GNA14: variants seen among roughly 807,000 people sequenced by gnomAD.
The protein encoded by GNA14 is guanine nucleotide-binding protein subunit alpha-14.
A neutral mutation model predicts 42.0 loss-of-function variants in GNA14; 50 were observed. The observed-to-expected ratio is 1.19, with a 90% confidence interval of 0.95 to 1.51. The LOEUF is 1.51. Among genes scored for constraint, GNA14 ranks in the 40% most tolerant of loss-of-function variants. The pLI, the probability that GNA14 is intolerant of heterozygous loss-of-function variation, is 0.00. For synonymous variants in GNA14, 173 were observed against 163.1 expected, an observed-to-expected ratio of 1.06 and a Z score of -0.46; for missense variants, 473 against 446.2, an observed-to-expected ratio of 1.06 and a Z score of -0.54.
chr9:77,445,599 C>T (rs573391844), intron 2 of GNA14, among the ~76,000 whole-genome samples: 2 of 151,180 alleles, frequency 1.3e-5, no homozygotes, highest in African/African-American at 2.4e-5. Flanking sequence ...AAATATTTGC[C>T]AGGCATGGTG....
At chr9:77,453,346 C>G (rs536660536) in intron 2 of GNA14, among the ~76,000 whole-genome samples, 1 of 152,120 alleles carries the variant, frequency 6.6e-6, no homozygotes, top group East Asian at 1.9e-4. Flanking sequence ...AATTACCCAG[C>G]CTAAGGTATT....
intron 1 of GNA14, among the ~76,000 whole-genome samples, chr9:77,643,690 G>T (rs1311687765): frequency 6.6e-6 from 1 of 152,152 alleles, no homozygotes; most frequent in East Asian, 1.9e-4. Context: ...CAACTTTTTG[G>T]TGTAAGCAGG....
At chr9:77,645,750 C>T (rs982874624) in intron 1 of GNA14, among the ~76,000 whole-genome samples, 7 of 152,314 alleles carry the variant, frequency 4.6e-5, no homozygotes, top group African/African-American at 1.7e-4. Context: ...CAGTACAGCT[C>T]AGCTGACTAC....
At chr9:77,558,631 T>C (rs1822828018) in intron 1 of GNA14, among the ~76,000 whole-genome samples, 1 of 152,074 alleles carries the variant, frequency 6.6e-6, no homozygotes, top group Admixed American at 6.6e-5. Context: ...TAGGGAATGG[T>C]AGAAACCAGA....
In GNA14 at chr9:77,444,011, T is replaced by A. The variant is rs539528750; in HGVS notation, c.310-9489A>T. ...AAAAACAAACTTCAGTGTGTTTCAC[T>A]AAAAAGGCTCTTTCCAAAGGCTCCT... On this transcript the variant is annotated intron_variant, in intron 2 of 6. Transcript: ENST00000341700. 1.3e-3 allele frequency among the ~76,000 whole-genome samples: 203 copies of A among 152,178 alleles called. 1 individual carries two copies. The highest frequency in any genetic ancestry group is 4.7e-3 in the African/African-American group (194 of 41,514).
chr9:77,569,189 T>A (rs1823021956), intron 1 of GNA14, among the ~76,000 whole-genome samples: 1 of 151,698 alleles, frequency 6.6e-6, no homozygotes, highest in Non-Finnish European at 1.5e-5. Flanking sequence ...AAAAAAAGGT[T>A]CCCTCCCCGC....
intron 2 of GNA14, among the ~76,000 whole-genome samples, chr9:77,436,123 G>A (rs187790278): frequency 6.6e-6 from 1 of 152,194 alleles, no homozygotes; most frequent in Non-Finnish European, 1.5e-5. Context: ...CAAGGACTGT[G>A]AATGAATCGA....
chr9:77,487,460 C>T (rs7034010), intron 2 of GNA14, among the ~76,000 whole-genome samples: 3,824 of 151,840 alleles, frequency 0.025, 161 homozygotes, highest in African/African-American at 0.086. Context: ...ATCTCCTCTT[C>T]CTTATCTATA....
chr9:77,440,856 C>T (rs1007189014), intron 2 of GNA14, among the ~76,000 whole-genome samples: 2 of 152,038 alleles, frequency 1.3e-5, no homozygotes, highest in Non-Finnish European at 1.5e-5. Context: ...GCTGGGATTA[C>T]AGGTGCCCAC....
chr9:77,522,000 T>C (rs897165399), intron 2 of GNA14, among the ~76,000 whole-genome samples: 13 of 152,092 alleles, frequency 8.5e-5, no homozygotes, highest in African/African-American at 3.1e-4. Context: ...GCCCGGCTAA[T>C]TTTTATATAT....
At chr9:77,614,380 T>A (rs931437487) in intron 1 of GNA14, among the ~76,000 whole-genome samples, 11 of 152,194 alleles carry the variant, frequency 7.2e-5, no homozygotes. Context: ...CCACCCTGGA[T>A]CCTCAAGTTT....
At chr9:77,515,983 A>AAAAAAAAAAAAAAAAAAAAAAAC (rs1276481734) in intron 2 of GNA14, among the ~76,000 whole-genome samples, 3 of 145,454 alleles carry the variant, frequency 2.1e-5, no homozygotes, top group Non-Finnish European at 4.5e-5. Context: ...AAAAAAAAAA[A>AAAAAAAAAAAAAAAAAAAAAAAC]CCCAGAGCAG....
chr9:77,515,608 T>C (rs1290798174), intron 2 of GNA14, among the ~76,000 whole-genome samples: 2 of 152,180 alleles, frequency 1.3e-5, no homozygotes, highest in Non-Finnish European at 2.9e-5. Context: ...TGTTTATGCA[T>C]TGCCTTTGTC....
chr9:77,629,483 A>G (rs1271899823), intron 1 of GNA14, among the ~76,000 whole-genome samples: 2 of 152,260 alleles, frequency 1.3e-5, no homozygotes, highest in East Asian at 3.8e-4. Context: ...ACCAACCCAA[A>G]TGCCCACCAA....
intron 1 of GNA14, among the ~76,000 whole-genome samples, chr9:77,606,100 A>G (rs1382278591): frequency 6.6e-6 from 1 of 152,218 alleles, no homozygotes; most frequent in East Asian, 1.9e-4. Context: ...GTGAAATGAA[A>G]CAGAAACATT....
At chr9:77,485,182 C>T (rs543017996) in intron 2 of GNA14, among the ~76,000 whole-genome samples, 1 of 152,170 alleles carries the variant, frequency 6.6e-6, no homozygotes, top group African/African-American at 2.4e-5. Context: ...ATTTTATCAA[C>T]TAAACTTATA....
intron 2 of GNA14, among the ~76,000 whole-genome samples, chr9:77,471,035 C>A (rs1423436414): frequency 6.6e-6 from 1 of 152,122 alleles, no homozygotes; most frequent in Non-Finnish European, 1.5e-5. Flanking sequence ...CAAACCATAT[C>A]AATCACCTTT....
At chr9:77,529,398 G>A (rs992202586) in intron 1 of GNA14, 145 bp from the exon 2 acceptor site, 4 of 697,024 alleles carry the variant, frequency 5.7e-6, no homozygotes, top group African/African-American at 1.8e-5. Flanking sequence ...AAATGGTTAT[G>A]CAGTTTTCGG....
intron 1 of GNA14, among the ~76,000 whole-genome samples, chr9:77,619,535 C>T (rs148947515): frequency 1.0e-3 from 156 of 152,216 alleles, no homozygotes; most frequent in African/African-American, 3.5e-3. Flanking sequence ...CAGTAGGGAA[C>T]AGTAAGAGCA....
Sources: allele counts gnomAD v4.1 joint callset (sites outside exome capture counted in the v4.1 genomes callset), GRCh38; gene constraint gnomAD v4.1.1; transcripts MANE v1.5; gene names NCBI Gene and HGNC (gene_info 2026-07-23, HGNC 2026-07-21).